Variants in KNDC1 observed in about 807,000 individuals in gnomAD.
The protein encoded by KNDC1 is kinase non-catalytic C-lobe domain containing 1.
In KNDC1, 106 loss-of-function variants were observed where a neutral mutation model predicts 172.8. The ratio of observed to expected loss-of-function variants is 0.61; its 90% confidence interval spans 0.52 to 0.72. The LOEUF is 0.72. KNDC1 is among the 30% of genes least tolerant of loss of function. The probability of loss-of-function intolerance (pLI) is 0.00; values close to 1 mark genes in which losing one functional copy is unlikely to be tolerated. For synonymous variants in KNDC1, 1,083 were observed against 1,062.2 expected (o/e 1.02, Z -0.38); for missense variants, 2,325 against 2,394.5 (o/e 0.97, Z 0.61).
At chr10:133,195,627 C>G (rs1303961417) in intron 9 of KNDC1, 36 bp from the exon 10 acceptor site, 1 of 1,500,658 alleles carries the variant, frequency 6.7e-7, no homozygotes, top group Non-Finnish European at 8.9e-7. Flanking sequence ...AGCCCACAGC[C>G]CTGCGGTAGA....
chr10:133,215,280 G>T (rs527459173), intron 26 of KNDC1, among the ~76,000 whole-genome samples: 1 of 152,188 alleles, frequency 6.6e-6, no homozygotes, highest in Non-Finnish European at 1.5e-5. Flanking sequence ...GGAGCTGCTC[G>T]CAGTCCACCA....
chr10:133,172,292 G>T (rs1853400603), intron 3 of KNDC1, among the ~76,000 whole-genome samples: 2 of 152,198 alleles, frequency 1.3e-5, no homozygotes, highest in Non-Finnish European at 2.9e-5. Flanking sequence ...GAATGTGTGT[G>T]TCAATTTTAC....
chr10:133,198,975 C>G lies in KNDC1; in HGVS notation c.2467C>G (p.His823Asp), dbSNP rs1364893063. 1 of 1,547,004 alleles carries G rather than the reference C, an allele frequency of 6.5e-7. No individual in the cohort carries two copies. The highest frequency in any genetic ancestry group is 8.7e-7 in the Non-Finnish European group (1 of 1,150,604). The change falls in exon 14 of 30, where the codon CAC (histidine) becomes GAC (aspartate). Residue 823 changes from histidine to aspartate, a missense_variant. Coordinates refer to ENST00000304613, the MANE Select transcript of KNDC1 (RefSeq NM_152643.8). Reference sequence around the variant, plus strand: ...CGCCCTGGGGCCCACCACGGCCCACCACGGCCCACGCCACCCGCCCAAGCC... The same window carrying G: ...CGCCCTGGGGCCCACCACGGCCCACGACGGCCCACGCCACCCGCCCAAGCC... The part of the protein sequence containing the change: ...PDALGPTTAH[H>D]GPRHPPKPPR...
Position 133,167,422 on chromosome 10 carries a change from C to A in KNDC1, c.144C>A (p.Arg48=), listed in dbSNP as rs771186490. The A allele has an allele frequency of 6.2e-7, 1 of 1,603,064 alleles. No individual in the cohort carries two copies. The highest frequency in any genetic ancestry group is 1.7e-4 in the Middle Eastern group (1 of 6,038). Residue 48 remains arginine (R), a synonymous_variant, in exon 2 of 30, where the codon CGC becomes CGA. Transcript: ENST00000304613. ...SLADILSLRD[R]GLSEQEAWAV... ...CTGACATCCTCTCCCTGCGGGACCG[C>A]GGCCTCAGCGAGCAGGAAGCCTGGG...
chr10:133,184,352 CGCT>C (rs1340867032), intron 5 of KNDC1, among the ~76,000 whole-genome samples: 2 of 147,658 alleles, frequency 1.4e-5, no homozygotes, highest in African/African-American at 2.5e-5. Context: ...GCTGCACACA[CGCT>C]GCAACACACC....
rs1853784597 is a variant in KNDC1, at chr10:133,183,427, A to C, written c.444A>C (p.Gln148His). 1 of 1,605,492 alleles carries C rather than the reference A, an allele frequency of 6.2e-7. No homozygotes were observed. Among genetic ancestry groups the C allele is most frequent in the African/African-American group, 1.3e-5 (1 of 74,852 alleles). Reference sequence around the variant, plus strand: ...CCACACTGGAACCCAGGCTGAGCCAAGACCTCGAGGCGCTGCTGAGCCGGA... The same window carrying C: ...CCACACTGGAACCCAGGCTGAGCCACGACCTCGAGGCGCTGCTGAGCCGGA... Reference protein sequence around the residue: ...AEPTLEPRLSQDLEALLSRMQ... With the variant: ...AEPTLEPRLSHDLEALLSRMQ... Residue 148 changes from glutamine (Q) to histidine (H), a missense_variant, in exon 4 of 30, where the codon CAA becomes CAC. Gln to His is a conservative substitution (Grantham distance 24). Coordinates refer to ENST00000304613, the MANE Select transcript of KNDC1 (RefSeq NM_152643.8).
At position 133,195,613 on chromosome 10, in the gene KNDC1, C is replaced by T. The variant is rs764074094; in HGVS notation, c.1576-50C>T. On this transcript the variant is annotated intron_variant, in intron 9 of 29. Transcript: ENST00000304613. ...CTGAGGTGGGCAGGTCTGCTGGGCACAGCAGCCCACAGCCCTGCGGTAGAC... is the reference window on the plus strand; with the variant it reads ...CTGAGGTGGGCAGGTCTGCTGGGCATAGCAGCCCACAGCCCTGCGGTAGAC... 1.4e-5 allele frequency: 21 copies of T among 1,461,282 alleles called. No individual in the cohort carries two copies. The Admixed American group carries it at 2.3e-4, about 16-fold the overall frequency. 90.5% of individuals were successfully genotyped at this position (1,461,282 alleles called of 1,614,324 possible).
chr10:133,188,899 C>T (rs1854001112), intron 7 of KNDC1, among the ~76,000 whole-genome samples: 1 of 152,060 alleles, frequency 6.6e-6, no homozygotes, highest in Admixed American at 6.5e-5. Context: ...TTGTGGGTGC[C>T]TGCTGGGTTG....
At chr10:133,215,083 G>A (rs1200358071) in intron 26 of KNDC1, among the ~76,000 whole-genome samples, 1 of 152,202 alleles carries the variant, frequency 6.6e-6, no homozygotes, top group Non-Finnish European at 1.5e-5. Flanking sequence ...ACCAGGTCCC[G>A]CTCCAAGTAA....
chr10:133,188,726 C>A, intron 7 of KNDC1, 73 bp downstream of exon 7: 2 of 613,710 alleles, frequency 3.3e-6, no homozygotes, highest in Admixed American at 4.9e-5. Flanking sequence ...ACCGCCGTCC[C>A]ACACCCCCGC....
At chr10:133,207,419 C>T (rs1845235769) in intron 20 of KNDC1, 68 bp downstream of exon 20, 20 of 1,416,524 alleles carry the variant, frequency 1.4e-5, no homozygotes, top group South Asian at 4.7e-5. Context: ...AGGGGGGGAA[C>T]GTGCCCTCGC....
intron 17 of KNDC1, among the ~76,000 whole-genome samples, chr10:133,203,587 C>T (rs996431544): frequency 2.0e-5 from 3 of 152,236 alleles, no homozygotes; most frequent in Admixed American, 6.5e-5. Flanking sequence ...CTGGTGCCGG[C>T]CGTGTGTGCT....
chr10:133,189,116 C>T (rs1854007477), intron 7 of KNDC1, among the ~76,000 whole-genome samples: 1 of 152,206 alleles, frequency 6.6e-6, no homozygotes, highest in South Asian at 2.1e-4. Context: ...AAAGCCTAGC[C>T]CTGCCAGACA....
intron 5 of KNDC1, among the ~76,000 whole-genome samples, 171 bp downstream of exon 5, chr10:133,184,160 CTG>C (rs1853813386): frequency 6.7e-6 from 1 of 148,610 alleles, no homozygotes; most frequent in Non-Finnish European, 1.5e-5. Flanking sequence ...TGCACACACA[CTG>C]CACACACACC....
In KNDC1 at chr10:133,202,601, G is replaced by A. The variant is rs7920807; in HGVS notation, c.3387+703G>A. 3,469 of 456,546 alleles carry A rather than the reference G, an allele frequency of 7.6e-3. 86 individuals are homozygous for A. Among genetic ancestry groups the A allele is most frequent in the African/African-American group, 0.056 (2,812 of 50,158 alleles). The allele number at this position is 456,546 out of a possible 1,614,324, so 28.3% of individuals were successfully genotyped here. On this transcript the variant is annotated intron_variant, in intron 17 of 29. Coordinates refer to ENST00000304613, the MANE Select transcript of KNDC1 (RefSeq NM_152643.8). ...AACCTCTCCTACCACCGTCTGCCTC[G>A]AGCTGAGCCACCGTGGGAAGCCTCC...
intron 3 of KNDC1, among the ~76,000 whole-genome samples, chr10:133,180,455 G>T (rs3810968): frequency 6.6e-6 from 1 of 152,264 alleles, no homozygotes; most frequent in East Asian, 1.9e-4. Context: ...CCTTCCTTAT[G>T]GTGCCAGCCG....
chr10:133,184,211 GCACACACCCATGCA>G (rs57431114), intron 5 of KNDC1, among the ~76,000 whole-genome samples: 54,331 of 135,782 alleles, frequency 0.4, 11,469 homozygotes, highest in South Asian at 0.64. Context: ...CACCCATGCT[GCACACACCCATGCA>G]CACACACCCA....
chr10:133,194,039 A>G (rs941569249), intron 9 of KNDC1, among the ~76,000 whole-genome samples: 2 of 152,240 alleles, frequency 1.3e-5, no homozygotes, highest in African/African-American at 4.8e-5. Flanking sequence ...CAGTAAAAAT[A>G]TGAAGGAACT....
At chr10:133,195,433 C>T (rs554963482) in intron 9 of KNDC1, among the ~76,000 whole-genome samples, 10 of 152,302 alleles carry the variant, frequency 6.6e-5, no homozygotes, top group East Asian at 1.9e-4. Context: ...GTTTAAAACG[C>T]GGACAGAACC....
Sources: allele counts gnomAD v4.1 joint callset (sites outside exome capture counted in the v4.1 genomes callset), GRCh38; gene constraint gnomAD v4.1.1; transcripts MANE v1.5; gene names NCBI Gene and HGNC (gene_info 2026-07-23, HGNC 2026-07-21).